Variants in UGT1A10 observed in about 807,000 individuals in gnomAD.
The protein encoded by UGT1A10 is UDP glucuronosyltransferase family 1 member A10.
Under a neutral mutation model 45.8 loss-of-function variants are expected in UGT1A10, and 49 were observed. The ratio of observed to expected loss-of-function variants is 1.07; its 90% CI spans 0.85 to 1.36. The LOEUF is 1.36. Ranked by LOEUF, UGT1A10 falls within the 40% of genes most tolerant of loss-of-function variation. The pLI is 0.00. For synonymous variants in UGT1A10, 284 were observed against 249.7 expected, an observed-to-expected ratio of 1.14 and a Z score of -1.29; for missense variants, 745 against 668.6, an observed-to-expected ratio of 1.11 and a Z score of -1.26.
chr2:233,689,903 A>G (rs1559343888), intron 1 of UGT1A10: 1 of 456,734 alleles, frequency 2.2e-6, no homozygotes, highest in Non-Finnish European at 4.4e-6. Context: ...TCTCAGGGCC[A>G]GGTAGGTGCC....
intron 1 of UGT1A10, among the ~76,000 whole-genome samples, chr2:233,720,698 G>A (rs2076882093): frequency 6.6e-6 from 1 of 151,018 alleles, no homozygotes; most frequent in South Asian, 2.1e-4. Context: ...CATTAAGGGA[G>A]CCATCCTTTT....
At chr2:233,682,036 G>A in intron 1 of UGT1A10, 1 of 1,614,116 alleles carries the variant, frequency 6.2e-7, no homozygotes, top group Admixed American at 1.7e-5. Flanking sequence ...TAGTGCCCAT[G>A]GATGGGAGCC....
At chr2:233,724,376 G>A (rs1373227000) in intron 1 of UGT1A10, among the ~76,000 whole-genome samples, 85 of 127,694 alleles carry the variant, frequency 6.7e-4, no homozygotes, top group East Asian at 1.3e-3. Flanking sequence ...GGTGGCTGCC[G>A]GGCGGAGACG....
chr2:233,724,332 G>A (rs1575552340), intron 1 of UGT1A10, among the ~76,000 whole-genome samples: 1 of 147,638 alleles, frequency 6.8e-6, no homozygotes, highest in Admixed American at 6.7e-5. Context: ...TGGCCAGGCG[G>A]GGGGCTGACC....
intron 1 of UGT1A10, among the ~76,000 whole-genome samples, chr2:233,727,843 T>A (rs768506184): frequency 1.3e-4 from 19 of 151,996 alleles, no homozygotes; most frequent in Non-Finnish European, 2.6e-4. Context: ...CAATGTGGAG[T>A]AATTTCCTCC....
At position 233,672,810 on chromosome 2, in the gene UGT1A10, C is replaced by T. The variant is rs746379415; in HGVS notation, c.855+35433C>T. On this transcript the variant is annotated intron_variant, in intron 1 of 4. Coordinates refer to ENST00000344644, the MANE Select transcript of UGT1A10 (RefSeq NM_019075.4). Reference sequence around the variant, plus strand: ...CTATGGTAAGTTATCTCTCCTTTAGCACCTTAAGAATACTTCACCTTTGGA... The same window carrying T: ...CTATGGTAAGTTATCTCTCCTTTAGTACCTTAAGAATACTTCACCTTTGGA... 2.5e-6 allele frequency: 4 copies of T among 1,605,850 alleles called. No individual in the cohort carries two copies. The African/African-American group carries it at 4.0e-5, about 16-fold the overall frequency.
chr2:233,718,539 A>G (rs2076661264), intron 1 of UGT1A10, among the ~76,000 whole-genome samples: 1 of 152,200 alleles, frequency 6.6e-6, no homozygotes, highest in African/African-American at 2.4e-5. Flanking sequence ...TGTGTTGGGA[A>G]TTGAATGAGA....
At chr2:233,725,508 T>G (rs1448108269) in intron 1 of UGT1A10, among the ~76,000 whole-genome samples, 1 of 151,984 alleles carries the variant, frequency 6.6e-6, no homozygotes, top group East Asian at 1.9e-4. Context: ...TGAAATTAAT[T>G]TTACTAAGGC....
chr2:233,679,408 G>T (rs2074451900), intron 1 of UGT1A10, among the ~76,000 whole-genome samples: 1 of 152,102 alleles, frequency 6.6e-6, no homozygotes, highest in African/African-American at 2.4e-5. Flanking sequence ...TTGAGGTTTG[G>T]CAGTTCTACT....
rs146169334 is a variant in UGT1A10 at position 233,742,180 on chromosome 2, T to C, written c.856-24854T>C. 6.3e-4 allele frequency among the ~76,000 whole-genome samples: 95 copies of C among 151,416 alleles called. 3 individuals carry two copies. The highest frequency in any genetic ancestry group is 2.3e-3 in the African/African-American group (94 of 40,990). On this transcript the variant is annotated intron_variant, in intron 1 of 4. Transcript: ENST00000344644. Reference sequence around the variant, plus strand: ...AAGACACACACACAGAAATATAGAGTGTGGAGTGGGAAATCAGGGGACTCA... The same window carrying C: ...AAGACACACACACAGAAATATAGAGCGTGGAGTGGGAAATCAGGGGACTCA...
chr2:233,713,183 G>A (rs2076288608), intron 1 of UGT1A10: 12 of 1,614,100 alleles, frequency 7.4e-6, no homozygotes, highest in Non-Finnish European at 1.0e-5. Flanking sequence ...TCACCCTGGA[G>A]GTGAATATGT....
intron 1 of UGT1A10, among the ~76,000 whole-genome samples, chr2:233,665,243 G>T (rs2074048669): frequency 6.6e-6 from 1 of 152,112 alleles, no homozygotes; most frequent in South Asian, 2.1e-4. Flanking sequence ...CTTTACTTTG[G>T]ATTTAATGTA....
At chr2:233,694,433 C>T (rs542980334) in intron 1 of UGT1A10, among the ~76,000 whole-genome samples, 1 of 152,210 alleles carries the variant, frequency 6.6e-6, no homozygotes, top group East Asian at 1.9e-4. Context: ...GCAAAGCCTA[C>T]ACATTTACTG....
rs17863788 is a variant in UGT1A10, at chr2:233,705,853, T to C, written c.856-61181T>C. 6.0e-3 allele frequency among the ~76,000 whole-genome samples: 911 copies of C among 152,278 alleles called. 8 individuals carry two copies. Among genetic ancestry groups the C allele is most frequent in the Middle Eastern group, 0.014 (4 of 294 alleles). ...AGTGGCTGGAGCTGAAGTGGGAAGCTGAGGCAGGCAGATCACTTGAGGCCA... is the reference window on the plus strand; with the variant it reads ...AGTGGCTGGAGCTGAAGTGGGAAGCCGAGGCAGGCAGATCACTTGAGGCCA... On this transcript the variant is annotated intron_variant, in intron 1 of 4. Coordinates refer to ENST00000344644, the MANE Select transcript of UGT1A10 (RefSeq NM_019075.4).
At chr2:233,646,812 T>G (rs947335993) in intron 1 of UGT1A10, among the ~76,000 whole-genome samples, 13 of 152,022 alleles carry the variant, frequency 8.6e-5, no homozygotes, top group Admixed American at 2.0e-4. Context: ...CCTCCAAACT[T>G]TGCCAACCTC....
intron 1 of UGT1A10, chr2:233,713,463 G>A (rs762349371): frequency 3.5e-5 from 56 of 1,613,940 alleles, no homozygotes; most frequent in Admixed American, 3.0e-4. Context: ...TCACCTCTGC[G>A]CGGCGGTGCT....
At chr2:233,761,218 C>G in intron 1 of UGT1A10, 1 of 1,613,694 alleles carries the variant, frequency 6.2e-7, no homozygotes, top group Non-Finnish European at 8.5e-7. Context: ...GATCGATTAA[C>G]TAGCCCCAGA....
intron 1 of UGT1A10, among the ~76,000 whole-genome samples, chr2:233,688,124 A>G (rs2074878809): frequency 6.6e-6 from 1 of 151,968 alleles, no homozygotes. Flanking sequence ...CTCAGCACTA[A>G]TTTACTTTCT....
intron 1 of UGT1A10, among the ~76,000 whole-genome samples, chr2:233,653,072 A>G (rs2073778842): frequency 2.0e-5 from 3 of 152,232 alleles, no homozygotes. Context: ...CGTGCCTGAC[A>G]TGGAGGCTCC....
Sources: gnomAD v4.1 joint callset for allele counts (sites outside exome capture counted in the v4.1 genomes callset) on GRCh38, gnomAD v4.1.1 for gene constraint, MANE v1.5 for transcripts, NCBI Gene and HGNC (gene_info 2026-07-23, HGNC 2026-07-21) for gene names.